TENM3: variants seen among roughly 807,000 people sequenced by gnomAD.
The protein encoded by TENM3 is teneurin transmembrane protein 3.
In TENM3, 63 loss-of-function variants were observed where a neutral mutation model predicts 255.1. That is an observed-to-expected ratio of 0.25 (90% CI 0.20 to 0.30). The LOEUF (loss-of-function observed/expected upper bound fraction) is 0.30, where lower values mean the gene tolerates loss of function less well. Ranked by LOEUF, TENM3 falls within the 10% of genes least tolerant of loss-of-function variation. The pLI is 1.00. For missense variants in TENM3, 2,929 were observed against 3,461.1 expected (o/e 0.85, Z 3.86); for synonymous variants, 1,306 against 1,322.3 (o/e 0.99, Z 0.27).
chr4:182,022,578 G>C, the TENM3 span, among the ~76,000 whole-genome samples: 2 of 150,498 alleles, frequency 1.3e-5, no homozygotes, highest in South Asian at 4.2e-4. Flanking sequence ...TTACTGTCTT[G>C]GTAAACACCT....
chr4:181,530,912 T>G, the TENM3 span, among the ~76,000 whole-genome samples: 1 of 152,218 alleles, frequency 6.6e-6, no homozygotes, highest in Admixed American at 6.5e-5. Context: ...AGCTGACACC[T>G]GCACCAGTTC....
rs543965932 is a variant in TENM3, at chr4:182,434,069, G to C, written c.511+87140G>C. Among the ~76,000 whole-genome samples the C allele has an allele frequency of 7.9e-5, 12 of 151,796 alleles. No homozygotes were observed. In the East Asian group the frequency reaches 2.1e-3, roughly 27 times the overall value. ...TTTGAGGTCGCAGTGAGCTAGGATT[G>C]CACCATTGCAATCTAGCCTGGGTGA... On this transcript the variant is annotated intron_variant, in intron 3 of 27. Transcript: ENST00000511685.
the TENM3 span, among the ~76,000 whole-genome samples, chr4:181,478,779 C>A: frequency 6.6e-6 from 1 of 152,124 alleles, no homozygotes; most frequent in Admixed American, 6.5e-5. Flanking sequence ...CTTGCCATTC[C>A]ACATGTCCTT....
chr4:181,549,039 C>T, the TENM3 span, among the ~76,000 whole-genome samples: 1 of 152,168 alleles, frequency 6.6e-6, no homozygotes. Context: ...GTAACACATT[C>T]TTCACAAACA....
At chr4:182,157,498 G>A (rs1218578642) in intron 1 of TENM3, among the ~76,000 whole-genome samples, 2 of 152,286 alleles carry the variant, frequency 1.3e-5, no homozygotes, top group South Asian at 4.1e-4. Flanking sequence ...AATTGATGCA[G>A]GAATGAAATC....
At chr4:182,512,713 C>T (rs572675723) in intron 3 of TENM3, among the ~76,000 whole-genome samples, 1 of 152,214 alleles carries the variant, frequency 6.6e-6, no homozygotes, top group South Asian at 2.1e-4. Flanking sequence ...TAGTCGTGAC[C>T]TGGTCCTTGA....
At chr4:182,569,102 G>T (rs1744082251) in intron 3 of TENM3, among the ~76,000 whole-genome samples, 1 of 152,202 alleles carries the variant, frequency 6.6e-6, no homozygotes, top group Non-Finnish European at 1.5e-5. Flanking sequence ...TGTCAAATTT[G>T]TCAAACTGAA....
At position 182,198,755 on chromosome 4, in the gene TENM3, A is replaced by C. The variant is rs28681439; in HGVS notation, c.-76+54001A>C. On this transcript the variant is annotated intron_variant, in intron 1 of 2. Coordinates refer to the TENM3 transcript ENST00000512480. ...GGCCTGGGCTGCAGAGAGACTGAAG[A>C]CCCGATGATGAAGGACAGAGCAGAG... Among the ~76,000 whole-genome samples, 1,455 of 152,208 alleles carry C rather than the reference A, an allele frequency of 9.6e-3. 24 individuals carry two copies. The highest frequency in any genetic ancestry group is 0.032 in the African/African-American group (1,338 of 41,518).
chr4:181,601,305 C>T, the TENM3 span, among the ~76,000 whole-genome samples: 3 of 152,162 alleles, frequency 2.0e-5, no homozygotes, highest in Admixed American at 6.5e-5. Context: ...CTGGTATGTT[C>T]GTTTGCTATG....
the TENM3 span, among the ~76,000 whole-genome samples, chr4:181,711,516 T>C: frequency 2.6e-5 from 4 of 152,202 alleles, no homozygotes; most frequent in South Asian, 4.1e-4. Context: ...ACAATCCTAT[T>C]TGACATTTTT....
At chr4:182,437,339 TG>T (rs1394653354) in intron 3 of TENM3, among the ~76,000 whole-genome samples, 1 of 151,672 alleles carries the variant, frequency 6.6e-6, no homozygotes, top group Non-Finnish European at 1.5e-5. Context: ...CTTAAGAAAA[TG>T]AATGAATTTT....
At chr4:181,610,827 A>G in the TENM3 span, among the ~76,000 whole-genome samples, 792 of 152,304 alleles carry the variant, frequency 5.2e-3, 9 homozygotes, top group African/African-American at 0.018. Flanking sequence ...AACAAGAAGT[A>G]TAAGAATCAC....
At chr4:182,154,284 A>G (rs1433654070) in intron 1 of TENM3, among the ~76,000 whole-genome samples, 1 of 152,074 alleles carries the variant, frequency 6.6e-6, no homozygotes, top group African/African-American at 2.4e-5. Context: ...TACTTTTAAA[A>G]GAATAGCCCA....
chr4:181,815,865 G>A, the TENM3 span, among the ~76,000 whole-genome samples: 4 of 152,124 alleles, frequency 2.6e-5, no homozygotes, highest in Non-Finnish European at 2.9e-5. Flanking sequence ...ACAAACCTGT[G>A]AAAACCCAGC....
At chr4:181,680,090 T>G in the TENM3 span, among the ~76,000 whole-genome samples, 2 of 152,120 alleles carry the variant, frequency 1.3e-5, no homozygotes. Context: ...GTGTCATAGG[T>G]GTAAACATTT....
chr4:182,439,377 T>C (rs1193951936), intron 3 of TENM3, among the ~76,000 whole-genome samples: 1 of 152,234 alleles, frequency 6.6e-6, no homozygotes, highest in African/African-American at 2.4e-5. Flanking sequence ...ATTGGCTTTT[T>C]ATAAACCAAG....
chr4:181,821,637 G>A, the TENM3 span: 1 of 152,302 alleles, frequency 6.6e-6, no homozygotes, highest in African/African-American at 2.4e-5. Flanking sequence ...GAGCTTAAAT[G>A]AGGTAGCATG....
At chr4:182,638,809 C>T (rs1405037512) in intron 5 of TENM3, among the ~76,000 whole-genome samples, 1 of 152,216 alleles carries the variant, frequency 6.6e-6, no homozygotes, top group Non-Finnish European at 1.5e-5. Flanking sequence ...TTCTCCTCCA[C>T]TGGGGAACCC....
chr4:182,151,445 T>G (rs1750346654), intron 1 of TENM3, among the ~76,000 whole-genome samples: 1 of 152,116 alleles, frequency 6.6e-6, no homozygotes, highest in Admixed American at 6.6e-5. Context: ...TTGGAATTTG[T>G]CAACACGTAG....
Sources: allele counts gnomAD v4.1 joint callset (sites outside exome capture counted in the v4.1 genomes callset), GRCh38; gene constraint gnomAD v4.1.1; transcripts MANE v1.5; gene names NCBI Gene and HGNC (gene_info 2026-07-23, HGNC 2026-07-21).